The following PCDHA3 variants were observed in gnomAD, a reference collection of about 807,000 sequenced individuals.
PCDHA3 encodes protocadherin alpha 3, also known as protocadherin alpha-3.
PCDHA3 carries 41 observed loss-of-function variants against 62.2 expected under a neutral mutation model. The observed-to-expected ratio is 0.66, with a 90% CI of 0.51 to 0.86. The LOEUF (loss-of-function observed/expected upper bound fraction) is 0.86. PCDHA3 is among the 40% of genes least tolerant of loss of function. The pLI, the probability that PCDHA3 is intolerant of heterozygous loss-of-function variation, is 0.00. For synonymous variants in PCDHA3, 640 were observed against 555.4 expected (o/e 1.15, Z -2.14); for missense variants, 1,304 against 1,241.2 (o/e 1.05, Z -0.76).
rs782310533 is a variant in PCDHA3 at position 140,802,838 on chromosome 5, C to T, written c.1641C>T (p.Ser547=). 9 of 1,613,612 alleles carry T rather than the reference C, an allele frequency of 5.6e-6. No individual in the cohort carries two copies. The highest frequency in any genetic ancestry group is 1.7e-5 in the Admixed American group (1 of 60,010). The part of the protein sequence containing the change: ...ARDAGVPPLG[S]NVTLQVFVLD... ...ATGCGGGCGTGCCGCCTCTGGGCAG[C>T]AACGTGACGCTGCAGGTGTTCGTGC... The change falls in exon 1 of 4, where the codon AGC becomes AGT. Residue 547 remains serine, a synonymous_variant. Transcript: ENST00000522353.
chr5:140,818,135 A>G (rs1375287002), intron 1 of PCDHA3, among the ~76,000 whole-genome samples: 1 of 152,222 alleles, frequency 6.6e-6, no homozygotes, highest in Non-Finnish European at 1.5e-5. Flanking sequence ...ATTTAGCAGT[A>G]TGCCTTCAAA....
chr5:140,884,702 T>C (rs1362804646), intron 1 of PCDHA3: 7 of 1,495,380 alleles, frequency 4.7e-6, no homozygotes, highest in East Asian at 4.7e-5. Context: ...GTAAACACTT[T>C]AGCCTTCCTT....
intron 1 of PCDHA3, chr5:140,968,996 G>T: frequency 1.2e-6 from 2 of 1,614,202 alleles, no homozygotes; most frequent in Non-Finnish European, 1.7e-6. Flanking sequence ...ATGCTGTGGA[G>T]GCTTCTGTGG....
chr5:140,899,127 C>T (rs1487430888), intron 1 of PCDHA3, among the ~76,000 whole-genome samples: 16 of 152,302 alleles, frequency 1.1e-4, no homozygotes, highest in African/African-American at 3.9e-4. Context: ...ACAATCATGT[C>T]TTCTGCAAAC....
In PCDHA3 at chr5:140,876,738, G is replaced by A. The variant is rs782179304; in HGVS notation, c.2394+73147G>A. 3.1e-6 allele frequency: 5 copies of A among 1,614,264 alleles called. No individual in the cohort carries two copies. In the Admixed American group the frequency reaches 5.0e-5, roughly 16 times the overall value. ...ACCGCGAGAGCGTGTCGGCCTATGA[G>A]CTGGTGGTGACTGCGCGGGATGGGG... On this transcript the variant is annotated intron_variant, in intron 1 of 3. Coordinates refer to ENST00000522353, the MANE Select transcript of PCDHA3 (RefSeq NM_018906.3).
intron 1 of PCDHA3, chr5:140,848,507 A>G: frequency 1.3e-6 from 2 of 1,588,934 alleles, no homozygotes. Flanking sequence ...TGTTATACTC[A>G]AGTCGAGGAG....
intron 1 of PCDHA3, among the ~76,000 whole-genome samples, chr5:140,943,453 G>A (rs545980639): frequency 2.6e-5 from 4 of 152,040 alleles, no homozygotes; most frequent in Non-Finnish European, 5.9e-5. Context: ...GAATTGATAA[G>A]GCTAAATGTG....
At chr5:140,869,275 G>T in intron 1 of PCDHA3, 1 of 1,613,584 alleles carries the variant, frequency 6.2e-7, no homozygotes, top group Non-Finnish European at 8.5e-7. Context: ...GGAGCTGGCG[G>T]AGCTGGTGCA....
At chr5:140,914,564 A>AT (rs532022159) in intron 1 of PCDHA3, among the ~76,000 whole-genome samples, 1 of 152,026 alleles carries the variant, frequency 6.6e-6, no homozygotes, top group Non-Finnish European at 1.5e-5. Context: ...AGTTTAGTCC[A>AT]TTTACATTCA....
chr5:140,938,765 AC>A (rs1309568560), intron 1 of PCDHA3, among the ~76,000 whole-genome samples: 1 of 152,182 alleles, frequency 6.6e-6, no homozygotes, highest in Non-Finnish European at 1.5e-5. Context: ...GTTATTGGGT[AC>A]TAGACTTAGT....
chr5:140,952,582 G>A (rs552541968), intron 1 of PCDHA3, among the ~76,000 whole-genome samples: 4 of 152,220 alleles, frequency 2.6e-5, no homozygotes, highest in East Asian at 3.9e-4. Context: ...AATCATTCAA[G>A]TAGTCTCTAG....
chr5:140,834,978 CTT>C (rs1344020761), intron 1 of PCDHA3: 1 of 1,479,296 alleles, frequency 6.8e-7, no homozygotes, highest in Non-Finnish European at 9.1e-7. Flanking sequence ...ATTACGGAAA[CTT>C]TTAGACAGAG....
At position 140,836,088 on chromosome 5, in the gene PCDHA3, C is replaced by T. The variant is rs2150252378; in HGVS notation, c.2394+32497C>T. On this transcript the variant is annotated intron_variant, in intron 1 of 3. Transcript: ENST00000522353. ...CAACGCGCCGGCACTGCTGGCGCCT[C>T]GGGTGGGTGGCACTGGTGGCGCAGT... is the stretch of plus-strand genomic sequence containing the variant. 2.5e-6 allele frequency: 4 copies of T among 1,613,654 alleles called. No individual in the cohort carries two copies. The South Asian group carries it at 3.3e-5, about 13-fold the overall frequency.
At chr5:140,979,120 T>A in intron 2 of PCDHA3, 113 bp downstream of exon 2, 1 of 1,497,648 alleles carries the variant, frequency 6.7e-7, no homozygotes, top group Non-Finnish European at 8.9e-7. Flanking sequence ...CTTTAGGTAC[T>A]TTGCCAGGAA....
At chr5:140,994,562 G>A (rs1554254244) in intron 3 of PCDHA3, among the ~76,000 whole-genome samples, 2 of 152,094 alleles carry the variant, frequency 1.3e-5, no homozygotes, top group Non-Finnish European at 2.9e-5. Context: ...AAAATTAGCC[G>A]GGTGTGGTGG....
chr5:140,808,125 G>A (rs1554124422), intron 1 of PCDHA3: 2 of 1,614,044 alleles, frequency 1.2e-6, no homozygotes, highest in East Asian at 2.2e-5. Context: ...TTTGAAGAAA[G>A]CAAATCCTAT....
intron 1 of PCDHA3, among the ~76,000 whole-genome samples, chr5:140,952,282 C>A (rs12187982): frequency 0.12 from 17,942 of 151,036 alleles, 1,209 homozygotes; most frequent in Middle Eastern, 0.19. Context: ...AGGGTGGTGG[C>A]CCTCTTCTCA....
chr5:140,941,701 C>T (rs1312324595), intron 1 of PCDHA3, among the ~76,000 whole-genome samples: 3 of 152,142 alleles, frequency 2.0e-5, no homozygotes, highest in Non-Finnish European at 4.4e-5. Context: ...TTGGGCTTAG[C>T]TTTCCTCCAC....
At chr5:140,850,006 T>G (rs2150463121) in intron 1 of PCDHA3, 1 of 1,596,968 alleles carries the variant, frequency 6.3e-7, no homozygotes, top group Non-Finnish European at 8.6e-7. Flanking sequence ...GAGCGCTCGC[T>G]GTCGAGCTAC....
Sources: gnomAD v4.1 joint callset for allele counts (sites outside exome capture counted in the v4.1 genomes callset) on GRCh38, gnomAD v4.1.1 for gene constraint, MANE v1.5 for transcripts, NCBI Gene and HGNC (gene_info 2026-07-23, HGNC 2026-07-21) for gene names.